SH3D19: variants seen among roughly 807,000 people sequenced by gnomAD.
The protein encoded by SH3D19 is SH3 domain-containing protein 19.
In SH3D19, 58 loss-of-function variants were observed where a neutral mutation model predicts 112.1. The ratio of observed to expected loss-of-function variants is 0.52; its 90% confidence interval spans 0.42 to 0.64. The LOEUF (loss-of-function observed/expected upper bound fraction) is 0.64. Among genes scored for constraint, SH3D19 ranks in the 30% least tolerant of loss-of-function variants. SH3D19 has a pLI of 0.00. For synonymous variants in SH3D19, 391 were observed against 448.5 expected, an observed-to-expected ratio of 0.87 and a Z score of 1.62; for missense variants, 1,090 against 1,263.4, an observed-to-expected ratio of 0.86 and a Z score of 2.08.
chr4:151,322,875 G>C (rs1730691823), intron 1 of SH3D19, among the ~76,000 whole-genome samples: 1 of 152,032 alleles, frequency 6.6e-6, no homozygotes, highest in Non-Finnish European at 1.5e-5. Context: ...ATCTTAAAAA[G>C]GTAAAACTAA....
intron 9 of SH3D19, among the ~76,000 whole-genome samples, chr4:151,155,419 C>T (rs1448571651): frequency 1.3e-5 from 2 of 152,160 alleles, no homozygotes; most frequent in Non-Finnish European, 2.9e-5. Flanking sequence ...ATGTCTCCTT[C>T]AAAGAAATTT....
At chr4:151,141,268 G>A (rs967931765) in intron 12 of SH3D19, among the ~76,000 whole-genome samples, 1 of 152,040 alleles carries the variant, frequency 6.6e-6, no homozygotes, top group African/African-American at 2.4e-5. Context: ...TGGGACTACA[G>A]ACAAGCACTA....
At chr4:151,285,762 G>C (rs896156134) in intron 1 of SH3D19, among the ~76,000 whole-genome samples, 4 of 152,052 alleles carry the variant, frequency 2.6e-5, no homozygotes, top group African/African-American at 9.7e-5. Flanking sequence ...AGCTACTTAG[G>C]AGACTGGGGC....
intron 1 of SH3D19, among the ~76,000 whole-genome samples, chr4:151,292,504 C>G (rs17027524): frequency 0.03 from 4,599 of 152,208 alleles, 209 homozygotes; most frequent in African/African-American, 0.1. Context: ...TAAAAAAACA[C>G]TTTAAATATT....
intron 1 of SH3D19, among the ~76,000 whole-genome samples, chr4:151,311,614 G>C (rs1338149501): frequency 6.6e-6 from 1 of 151,698 alleles, no homozygotes; most frequent in African/African-American, 2.4e-5. Flanking sequence ...CAAAGTGGGA[G>C]GATCACTTGG....
chr4:151,123,782 T>A (rs1365240921), intron 19 of SH3D19, among the ~76,000 whole-genome samples: 1 of 152,224 alleles, frequency 6.6e-6, no homozygotes, highest in Non-Finnish European at 1.5e-5. Flanking sequence ...TTTAAGATGC[T>A]ACAATGGTCC....
At chr4:151,260,654 C>T (rs1415864987) in intron 1 of SH3D19, among the ~76,000 whole-genome samples, 1 of 152,172 alleles carries the variant, frequency 6.6e-6, no homozygotes, top group Non-Finnish European at 1.5e-5. Context: ...AATCCCCCAG[C>T]GGTTGCCCAG....
At chr4:151,219,472 T>C (rs1221163242) in intron 2 of SH3D19, among the ~76,000 whole-genome samples, 1 of 152,172 alleles carries the variant, frequency 6.6e-6, no homozygotes, top group Non-Finnish European at 1.5e-5. Context: ...AATAAAGTCT[T>C]CCTTACAGTT....
intron 8 of SH3D19, among the ~76,000 whole-genome samples, chr4:151,162,644 G>C (rs1470525936): frequency 6.7e-6 from 1 of 149,676 alleles, no homozygotes; most frequent in Non-Finnish European, 1.5e-5. Context: ...GCCCAAGCTG[G>C]AGGGCAATGG....
chr4:151,269,772 T>C (rs1251897383), intron 1 of SH3D19, among the ~76,000 whole-genome samples: 4 of 152,116 alleles, frequency 2.6e-5, no homozygotes, highest in Non-Finnish European at 1.5e-5. Context: ...TTTCCTTGTA[T>C]CCTTATTCTA....
chr4:151,172,813 A>G (rs10000557), intron 7 of SH3D19, among the ~76,000 whole-genome samples: 129,100 of 152,130 alleles, frequency 0.85, 55,954 homozygotes, highest in Non-Finnish European at 0.95. Context: ...TTTCTCCAGG[A>G]AAGGCTGGTG....
intron 2 of SH3D19, among the ~76,000 whole-genome samples, chr4:151,221,347 T>G (rs1043544134): frequency 6.7e-6 from 1 of 148,486 alleles, no homozygotes; most frequent in Non-Finnish European, 1.5e-5. Flanking sequence ...TTTTCTTCTT[T>G]CTGCTCTGTT....
At chr4:151,322,228 T>A (rs1730605505) in intron 1 of SH3D19, among the ~76,000 whole-genome samples, 2 of 151,626 alleles carry the variant, frequency 1.3e-5, no homozygotes, top group African/African-American at 4.8e-5. Context: ...GTGGGAGGAG[T>A]TCGAGATCAC....
chr4:151,291,976 G>A (rs1052480839), intron 1 of SH3D19, among the ~76,000 whole-genome samples: 4 of 151,992 alleles, frequency 2.6e-5, no homozygotes, highest in Non-Finnish European at 4.4e-5. Context: ...AGCTAGCCCT[G>A]TTCCATAAGG....
At chr4:151,285,868 C>T (rs546209098) in intron 1 of SH3D19, among the ~76,000 whole-genome samples, 2 of 151,814 alleles carry the variant, frequency 1.3e-5, no homozygotes, top group South Asian at 2.1e-4. Context: ...CTCTGTGGCT[C>T]TGTCTCTTAA....
chr4:151,195,643 GT>G (rs1763352859), intron 2 of SH3D19, among the ~76,000 whole-genome samples: 1 of 151,518 alleles, frequency 6.6e-6, no homozygotes, highest in Non-Finnish European at 1.5e-5. Context: ...TCAGAGAGGT[GT>G]TTTTACATAT....
At chr4:151,249,933 C>T (rs1339611674) in intron 1 of SH3D19, among the ~76,000 whole-genome samples, 1 of 152,052 alleles carries the variant, frequency 6.6e-6, no homozygotes, top group African/African-American at 2.4e-5. Context: ...CAAATTAGTG[C>T]CGTATGCTTG....
rs559291025 is a variant in SH3D19, at chr4:151,325,403, G to A, written c.-51C>T. On this transcript the variant is annotated 5_prime_UTR_variant, in exon 1 of 20. Coordinates refer to ENST00000604030, the MANE Select transcript of SH3D19 (RefSeq NM_001378122.1). ...GGATGGCCAGCGAGCTGCGGCCCCGGCGCCCCAGAACGCCTGCACCCGGCG... is the reference window on the plus strand; with the variant it reads ...GGATGGCCAGCGAGCTGCGGCCCCGACGCCCCAGAACGCCTGCACCCGGCG... The A allele has an allele frequency of 9.7e-7, 1 of 1,029,460 alleles. No individual in the cohort carries two copies. Among genetic ancestry groups the A allele is most frequent in the Admixed American group, 4.6e-5 (1 of 21,890 alleles). The allele number at this position is 1,029,460 out of a possible 1,614,324, so 63.8% of individuals were successfully genotyped here. A position where few individuals can be genotyped will look rare whatever the true frequency, so the allele number is the denominator to read the frequency against.
At chr4:151,150,044 G>A (rs1191125266) in intron 9 of SH3D19, among the ~76,000 whole-genome samples, 2 of 150,750 alleles carry the variant, frequency 1.3e-5, no homozygotes, top group Non-Finnish European at 3.0e-5. Context: ...AATTAGCTGG[G>A]CATGGTGGCG....
Sources: allele counts gnomAD v4.1 joint callset (sites outside exome capture counted in the v4.1 genomes callset), GRCh38; gene constraint gnomAD v4.1.1; transcripts MANE v1.5; gene names NCBI Gene and HGNC (gene_info 2026-07-23, HGNC 2026-07-21).